The following SYBU variants were observed in gnomAD, a reference collection of about 807,000 sequenced individuals.
SYBU encodes the protein syntabulin, also known as GOLSYN A protein.
Under a neutral mutation model 35.9 loss-of-function variants are expected in SYBU, and 21 were observed. The observed-to-expected ratio is 0.58, with a 90% CI of 0.41 to 0.84. SYBU has a LOEUF of 0.84. SYBU is among the 40% of genes least tolerant of loss of function. The pLI is 0.00. For missense variants in SYBU, 768 were observed against 848.2 expected (o/e 0.91, Z 1.17); for synonymous variants, 319 against 324.3 (o/e 0.98, Z 0.18).
At chr8:109,613,654 A>G (rs1274627860) in intron 3 of SYBU, among the ~76,000 whole-genome samples, 1 of 152,152 alleles carries the variant, frequency 6.6e-6, no homozygotes, top group African/African-American at 2.4e-5. Flanking sequence ...TCAAGTTATT[A>G]CAAGAATGGC....
intron 3 of SYBU, chr8:109,608,062 T>A: frequency 1.0e-6 from 1 of 989,822 alleles, no homozygotes; most frequent in Non-Finnish European, 1.5e-6. Flanking sequence ...CCATGGAGAC[T>A]GAGCCTTCTG....
At chr8:109,672,610 G>T (rs1586987535) in intron 1 of SYBU, among the ~76,000 whole-genome samples, 1 of 152,328 alleles carries the variant, frequency 6.6e-6, no homozygotes, top group Non-Finnish European at 1.5e-5. Context: ...ATGGCTGTTT[G>T]GGGAGACAGC....
intron 3 of SYBU, among the ~76,000 whole-genome samples, chr8:109,607,735 C>G (rs922766934): frequency 6.6e-6 from 1 of 150,794 alleles, no homozygotes; most frequent in Non-Finnish European, 1.5e-5. Context: ...GTTATAAGAC[C>G]ATGCATTCAG....
At chr8:109,653,614 C>A (rs1816239712) in intron 1 of SYBU, among the ~76,000 whole-genome samples, 1 of 152,184 alleles carries the variant, frequency 6.6e-6, no homozygotes, top group African/African-American at 2.4e-5. Flanking sequence ...TGCTGCCTGG[C>A]AATCATTTTG....
intron 1 of SYBU, among the ~76,000 whole-genome samples, chr8:109,687,714 G>A (rs1817551938): frequency 6.6e-6 from 1 of 152,142 alleles, no homozygotes; most frequent in Non-Finnish European, 1.5e-5. Flanking sequence ...TACAGATAGT[G>A]TTAGAACTGG....
intron 2 of SYBU, among the ~76,000 whole-genome samples, chr8:109,634,078 T>C (rs950986885): frequency 8.5e-5 from 13 of 152,302 alleles, no homozygotes; most frequent in African/African-American, 2.4e-4. Context: ...GTTTTTATGA[T>C]GGTTTTTGTG....
intron 4 of SYBU, among the ~76,000 whole-genome samples, chr8:109,582,695 T>C (rs998258025): frequency 6.6e-6 from 1 of 152,098 alleles, no homozygotes; most frequent in African/African-American, 2.4e-5. Context: ...TGATCTAGGG[T>C]TGAACTGTGT....
chr8:109,585,850 G>A, intron 4 of SYBU: 1 of 561,724 alleles, frequency 1.8e-6, no homozygotes, highest in South Asian at 2.1e-5. Context: ...AGACAGCCAT[G>A]GATGTACAAA....
Position 109,652,347 on chromosome 8 carries a change from C to A in SYBU, c.-129+28364G>T, listed in dbSNP as rs902666642. Among the ~76,000 whole-genome samples the A allele has an allele frequency of 4.3e-5, 6 of 140,734 alleles. No individual in the cohort carries two copies. The East Asian group carries it at 1.3e-3, about 32-fold the overall frequency. 92.3% of individuals were successfully genotyped at this position (140,734 alleles called of 152,430 possible). A position where few individuals can be genotyped will look rare whatever the true frequency, so the allele number is the denominator to read the frequency against. ...TCCTCTCTTCCTCCTCTTCTTCTTCCTTTTTCTCCTCCTCCTCCTTCTTTT... is the reference window on the plus strand; with the variant it reads ...TCCTCTCTTCCTCCTCTTCTTCTTCATTTTTCTCCTCCTCCTCCTTCTTTT... On this transcript the variant is annotated intron_variant, in intron 1 of 5. Transcript: ENST00000408889.
At chr8:109,659,786 G>C (rs1406860646) in intron 1 of SYBU, among the ~76,000 whole-genome samples, 2 of 152,110 alleles carry the variant, frequency 1.3e-5, no homozygotes, top group Non-Finnish European at 2.9e-5. Context: ...TTAATGAATT[G>C]AGTATTAGTA....
At chr8:109,595,484 T>C (rs528181345) in intron 3 of SYBU, among the ~76,000 whole-genome samples, 8 of 152,196 alleles carry the variant, frequency 5.3e-5, no homozygotes, top group Non-Finnish European at 1.0e-4. Context: ...TATTTGTGTG[T>C]TCTCCAGCTT....
intron 1 of SYBU, among the ~76,000 whole-genome samples, chr8:109,656,294 C>G (rs774887196): frequency 6.6e-6 from 1 of 152,162 alleles, no homozygotes; most frequent in Non-Finnish European, 1.5e-5. Context: ...TTGTTAAAAC[C>G]AATGTGCTTA....
At chr8:109,586,315 C>T in intron 3 of SYBU, 153 bp from the exon 4 acceptor site, 2 of 606,458 alleles carry the variant, frequency 3.3e-6, no homozygotes, top group Non-Finnish European at 5.8e-6. Context: ...GCATTTTCCT[C>T]AAAGCAGTCA....
chr8:109,674,170 A>G (rs1363644682), intron 1 of SYBU, among the ~76,000 whole-genome samples: 1 of 152,122 alleles, frequency 6.6e-6, no homozygotes. Context: ...AAATTCAGGA[A>G]ATACAGAGAA....
chr8:109,684,853 T>C (rs532367829), upstream of SYBU, among the ~76,000 whole-genome samples: 10 of 152,212 alleles, frequency 6.6e-5, 1 homozygote, highest in South Asian at 1.0e-3. Context: ...TCCCCATGAA[T>C]AAATTTTCCT....
At chr8:109,580,133 C>G (rs1822855112) in intron 4 of SYBU, 131 bp from the exon 5 acceptor site, 1 of 852,084 alleles carries the variant, frequency 1.2e-6, no homozygotes. Context: ...TTCGTGTAGA[C>G]TGTCCTTAGG....
chr8:109,669,339 C>CAAAAAAA (rs533510895), intron 1 of SYBU, among the ~76,000 whole-genome samples: 2 of 49,684 alleles, frequency 4.0e-5, no homozygotes, highest in African/African-American at 6.1e-5. Flanking sequence ...GAGACTCCGT[C>CAAAAAAA]AAAAAAAAAA....
exon 1 of SYBU, chr8:109,680,782 T>C (rs1817376458): frequency 1.3e-5 from 2 of 152,246 alleles, no homozygotes; most frequent in Non-Finnish European, 2.9e-5. Flanking sequence ...GCTTCAGTTC[T>C]GGAGTCAAGG....
intron 2 of SYBU, among the ~76,000 whole-genome samples, chr8:109,638,515 TAAAC>T (rs142943037): frequency 4.6e-5 from 7 of 152,024 alleles, no homozygotes; most frequent in East Asian, 1.9e-4. Context: ...AACGCTGGTT[TAAAC>T]AAACAAACAA....
Sources: allele counts gnomAD v4.1 joint callset (sites outside exome capture counted in the v4.1 genomes callset), GRCh38; gene constraint gnomAD v4.1.1; transcripts MANE v1.5; gene names NCBI Gene and HGNC (gene_info 2026-07-23, HGNC 2026-07-21).